The following CASQ2 variants were observed in gnomAD, a reference collection of about 807,000 sequenced individuals.
CASQ2 encodes the protein calsequestrin 2, also known as calsequestrin-2.
Under a neutral mutation model 46.5 loss-of-function variants are expected in CASQ2, and 49 were observed. The observed-to-expected ratio is 1.05, with a 90% CI of 0.84 to 1.34. CASQ2 has a LOEUF of 1.34. Ranked by LOEUF, CASQ2 falls within the 40% of genes most tolerant of loss-of-function variation. The pLI is 0.00. For synonymous variants in CASQ2, 174 were observed against 168.5 expected, an observed-to-expected ratio of 1.03 and a Z score of -0.25; for missense variants, 486 against 481.3, an observed-to-expected ratio of 1.01 and a Z score of -0.09.
chr1:115,712,351 C>T (rs948783858), intron 8 of CASQ2, among the ~76,000 whole-genome samples: 5 of 152,114 alleles, frequency 3.3e-5, no homozygotes, highest in African/African-American at 7.2e-5. Context: ...GCGCTAAGAT[C>T]CCAGAATTGG....
At position 115,726,474 on chromosome 1, in the gene CASQ2, A is replaced by AAC. The variant is rs1255761353; in HGVS notation, c.737+517_737+518insGT. 1.2e-4 allele frequency among the ~76,000 whole-genome samples: 19 copies of AAC among 152,236 alleles called. No individual in the cohort carries two copies. In the East Asian group the frequency reaches 3.7e-3, roughly 29 times the overall value. The stretch of plus-strand genomic sequence containing the variant: ...TATTTACCATTTTGTTCTTTACAGA[A>AAC]AAAGTTTGCTGATCCATGCTGGAGC... On this transcript the variant is annotated intron_variant, in intron 6 of 10. Transcript: ENST00000261448.
At chr1:115,766,541 A>G (rs893507306) in intron 1 of CASQ2, among the ~76,000 whole-genome samples, 2 of 152,192 alleles carry the variant, frequency 1.3e-5, no homozygotes, top group African/African-American at 4.8e-5. Context: ...TAGATAAGAA[A>G]ATGAAGCTCT....
In CASQ2 at chr1:115,766,711, A is replaced by G. The variant is rs139299238; in HGVS notation, c.234+1597T>C. ...GGGCATCAAATTAACTCCTGTGGTG[A>G]ACTTTTCCTTATCGGTCTCTGCTGG... On this transcript the variant is annotated intron_variant, in intron 1 of 10. Transcript: ENST00000261448. 1.9e-3 allele frequency among the ~76,000 whole-genome samples: 290 copies of G among 152,200 alleles called. 1 individual carries two copies. Among genetic ancestry groups the G allele is most frequent in the African/African-American group, 6.6e-3 (276 of 41,532 alleles).
intron 1 of CASQ2, among the ~76,000 whole-genome samples, chr1:115,762,047 G>T (rs1648981857): frequency 6.6e-6 from 1 of 152,176 alleles, no homozygotes. Context: ...AGCAGGAAAA[G>T]CAGAAGAACT....
chr1:115,713,265 CAGACG>C (rs1179642496), intron 8 of CASQ2, among the ~76,000 whole-genome samples: 1 of 152,202 alleles, frequency 6.6e-6, no homozygotes, highest in Admixed American at 6.5e-5. Flanking sequence ...TCAAACCTGT[CAGACG>C]AGCGGCTCTG....
chr1:115,735,907 A>G (rs1223498434), intron 4 of CASQ2, among the ~76,000 whole-genome samples: 1 of 152,212 alleles, frequency 6.6e-6, no homozygotes, highest in Non-Finnish European at 1.5e-5. Flanking sequence ...CACGCCTGTA[A>G]TCCCAGCATT....
intron 1 of CASQ2, among the ~76,000 whole-genome samples, chr1:115,747,705 A>G (rs1047835250): frequency 2.6e-5 from 4 of 152,208 alleles, no homozygotes; most frequent in African/African-American, 9.6e-5. Flanking sequence ...TTAGATTTAT[A>G]TCTAATCAGT....
chr1:115,739,469 T>C (rs1202434283), intron 3 of CASQ2, among the ~76,000 whole-genome samples: 1 of 152,130 alleles, frequency 6.6e-6, no homozygotes, highest in East Asian at 1.9e-4. Context: ...TAGGTGGATT[T>C]CATAACTTCC....
chr1:115,700,777 G>A lies in CASQ2; in HGVS notation c.*464C>T. ...CTTGGCTGGAGGAGGGATCCCAACT[G>A]ATGTTCGAGGTATGGAGGGAGCTAA... On this transcript the variant is annotated 3_prime_UTR_variant, in exon 11 of 11. Coordinates refer to ENST00000261448, the MANE Select transcript of CASQ2 (RefSeq NM_001232.4). 2.2e-6 allele frequency: 1 copy of A among 448,414 alleles called. No homozygotes were observed. Among genetic ancestry groups the A allele is most frequent in the Non-Finnish European group, 3.9e-6 (1 of 256,346 alleles). The allele number at this position is 448,414 out of a possible 1,614,324, so 27.8% of individuals were successfully genotyped here. A position where few individuals can be genotyped will look rare whatever the true frequency, so the allele number is the denominator to read the frequency against.
intron 2 of CASQ2, among the ~76,000 whole-genome samples, chr1:115,743,761 C>T (rs556331746): frequency 2.6e-5 from 2 of 75,972 alleles, no homozygotes; most frequent in Non-Finnish European, 4.3e-5. Flanking sequence ...GTTTTATAAC[C>T]CGCTATTTTT....
At chr1:115,730,608 ATTC>A (rs1466418968) in intron 5 of CASQ2, among the ~76,000 whole-genome samples, 1 of 152,132 alleles carries the variant, frequency 6.6e-6, no homozygotes, top group African/African-American at 2.4e-5. Context: ...TCCTCAATAG[ATTC>A]TTCTTCCTGG....
At position 115,768,491 on chromosome 1, in the gene CASQ2, G is replaced by C; in HGVS notation, c.51C>G (p.Cys17Trp). ...GGAAATTAAGCCCCTCTTCTGCCCT[G>C]CAAGAGGACAGAAAATAAATCCCCA... ...FIVGIYFLSS[C>W]RAEEGLNFPT... Residue 17 changes from cysteine to tryptophan, a missense_variant, in exon 1 of 11, where the codon TGC (cysteine) becomes TGG (tryptophan). Coordinates refer to ENST00000261448, the MANE Select transcript of CASQ2 (RefSeq NM_001232.4). 1 of 1,613,648 alleles carries C rather than the reference G, an allele frequency of 6.2e-7. No homozygotes were observed. Among genetic ancestry groups the C allele is most frequent in the Non-Finnish European group, 8.5e-7 (1 of 1,179,558 alleles).
At position 115,727,214 on chromosome 1, in the gene CASQ2, G is replaced by A. The variant is rs1312013352; in HGVS notation, c.607-92C>T. 45 of 1,004,294 alleles carry A rather than the reference G, an allele frequency of 4.5e-5. No individual in the cohort carries two copies. In the East Asian group the frequency reaches 7.7e-4, roughly 17 times the overall value. 62.2% of individuals were successfully genotyped at this position (1,004,294 alleles called of 1,614,324 possible). On this transcript the variant is annotated intron_variant, in intron 5 of 10. Coordinates refer to ENST00000261448, the MANE Select transcript of CASQ2 (RefSeq NM_001232.4). ...TCTAAGATAAGTGTGTATGTTTTCC[G>A]GCAAAGACATAAAAACAGATGTACA...
At chr1:115,755,325 C>T (rs1648721887) in intron 1 of CASQ2, among the ~76,000 whole-genome samples, 1 of 149,390 alleles carries the variant, frequency 6.7e-6, no homozygotes, top group South Asian at 2.1e-4. Flanking sequence ...AGGCCCTGAC[C>T]TCCTCTGGTA....
chr1:115,745,567 G>A (rs946456083), intron 1 of CASQ2, among the ~76,000 whole-genome samples: 4 of 152,018 alleles, frequency 2.6e-5, no homozygotes, highest in African/African-American at 9.7e-5. Context: ...CAGCATAGAT[G>A]ATGACATCAA....
intron 1 of CASQ2, among the ~76,000 whole-genome samples, chr1:115,761,019 C>A (rs141504823): frequency 5.8e-4 from 89 of 152,158 alleles, no homozygotes; most frequent in African/African-American, 2.1e-3. Context: ...GAGGTAGGAG[C>A]TAATGGTTGA....
At chr1:115,744,570 C>G (rs1648316967) in intron 2 of CASQ2, among the ~76,000 whole-genome samples, 1 of 152,178 alleles carries the variant, frequency 6.6e-6, no homozygotes, top group Non-Finnish European at 1.5e-5. Flanking sequence ...GACTCTTTAG[C>G]ATCAATTTCT....
At chr1:115,756,353 A>G (rs994707678) in intron 1 of CASQ2, among the ~76,000 whole-genome samples, 2 of 152,220 alleles carry the variant, frequency 1.3e-5, no homozygotes, top group African/African-American at 4.8e-5. Flanking sequence ...AGTTTATAAA[A>G]AGGGAAGCCT....
At chr1:115,724,977 T>C (rs918412727) in intron 7 of CASQ2, among the ~76,000 whole-genome samples, 5 of 152,222 alleles carry the variant, frequency 3.3e-5, no homozygotes, top group African/African-American at 9.6e-5. Context: ...TAAGAGCAAT[T>C]TTGCCTAGTG....
Sources: allele counts gnomAD v4.1 joint callset (sites outside exome capture counted in the v4.1 genomes callset), GRCh38; gene constraint gnomAD v4.1.1; transcripts MANE v1.5; gene names NCBI Gene and HGNC (gene_info 2026-07-23, HGNC 2026-07-21).